CLIP3: variants seen among roughly 807,000 people sequenced by gnomAD.
The protein encoded by CLIP3 is CAP-Gly domain-containing linker protein 3.
Under a neutral mutation model 59.4 loss-of-function variants are expected in CLIP3, and 15 were observed. The observed-to-expected ratio is 0.25, with a 90% CI of 0.17 to 0.39. The LOEUF (loss-of-function observed/expected upper bound fraction) is 0.39, where lower values mean the gene tolerates loss of function less well. Ranked by LOEUF, CLIP3 falls within the 10% of genes least tolerant of loss-of-function variation. CLIP3 has a pLI of 1.00. For missense variants in CLIP3, 495 were observed against 765.7 expected (o/e 0.65, Z 4.17); for synonymous variants, 300 against 321.6 (o/e 0.93, Z 0.72).
At chr19:36,017,072 T>A in intron 12 of CLIP3, 93 bp from the exon 13 acceptor site, 1 of 1,301,874 alleles carries the variant, frequency 7.7e-7, no homozygotes, top group Admixed American at 1.9e-5. Context: ...TACCTCCCCA[T>A]GTCTCCAGTC....
rs766825241 is a variant in CLIP3, at chr19:36,024,468, G to A, written c.846C>T (p.Asn282=). 1.1e-5 allele frequency: 17 copies of A among 1,614,124 alleles called. No individual in the cohort carries two copies. The highest frequency in any genetic ancestry group is 3.3e-5 in the Admixed American group (2 of 60,006). ...CGCTAAGCATGAGATTGCCTGGGACGTTGTCATAGTTGGGTAGCGTGACCT... is the reference window on the plus strand; with the variant it reads ...CGCTAAGCATGAGATTGCCTGGGACATTGTCATAGTTGGGTAGCGTGACCT... ...LPKVTLPNYD[N]VPGNLMLSAL... is the part of the protein sequence containing the mutation. Residue 282 remains asparagine, a synonymous_variant, in exon 7 of 14, where the codon AAC becomes AAT. Transcript: ENST00000360535.
Position 36,026,439 on chromosome 19 carries a change from G to C in CLIP3, c.562+147C>G. 1 of 1,188,808 alleles carries C rather than the reference G, an allele frequency of 8.4e-7. No individual in the cohort carries two copies. The highest frequency in any genetic ancestry group is 1.2e-6 in the Non-Finnish European group (1 of 844,552). 73.6% of individuals were successfully genotyped at this position (1,188,808 alleles called of 1,614,324 possible). A position where few individuals can be genotyped will look rare whatever the true frequency, so the allele number is the denominator to read the frequency against. ...AGCCCCGACCCTCCCTAGAGTGGTAGTCCCTGAGCCCCCTCTCCCACGCCT... is the reference window on the plus strand; with the variant it reads ...AGCCCCGACCCTCCCTAGAGTGGTACTCCCTGAGCCCCCTCTCCCACGCCT... On this transcript the variant is annotated intron_variant, in intron 5 of 13. Transcript: ENST00000360535. The surrounding 1 kb of genome is among the most constrained non-coding windows in gnomAD (Gnocchi z 6.3).
chr19:36,026,809 GA>G lies in CLIP3; in HGVS notation c.401-63del. 6.4e-7 allele frequency: 1 copy of G among 1,564,068 alleles called. No individual in the cohort carries two copies. The highest frequency in any genetic ancestry group is 8.6e-7 in the Non-Finnish European group (1 of 1,159,140). ...CCAGAGCATGGGCCCAGTGCACGGG[GA>G]GGACCCTGGGCTTCAGGGACTATAC... On this transcript the variant is annotated intron_variant, in intron 4 of 13. Transcript: ENST00000360535. This position sits in a 1 kb window ranked among gnomAD's most constrained non-coding sequence, Gnocchi z 6.3.
At chr19:36,018,067 C>A in intron 9 of CLIP3, 76 bp from the exon 10 acceptor site, 1 of 1,540,026 alleles carries the variant, frequency 6.5e-7, no homozygotes, top group Non-Finnish European at 8.9e-7. Flanking sequence ...CTGGAAAACC[C>A]CAAGGTAGAA....
At chr19:36,020,695 A>T (rs1968929842) in intron 7 of CLIP3, among the ~76,000 whole-genome samples, 2 of 152,190 alleles carry the variant, frequency 1.3e-5, no homozygotes, top group Non-Finnish European at 2.9e-5. Context: ...TCAAGTGCTC[A>T]ATTGTCACAT....
At chr19:36,029,035 G>T in intron 2 of CLIP3, among the ~76,000 whole-genome samples, 1 of 117,520 alleles carries the variant, frequency 8.5e-6, no homozygotes, top group Middle Eastern at 6.5e-3. Context: ...TAGAGATAGG[G>T]TCTTGGCTGG....
chr19:36,024,125 C>A (rs1293661520), intron 7 of CLIP3, among the ~76,000 whole-genome samples: 1 of 152,212 alleles, frequency 6.6e-6, no homozygotes, highest in Non-Finnish European at 1.5e-5. Context: ...TCACTCTGCT[C>A]ACCCCTCCCC....
chr19:36,022,516 G>A (rs77932107), intron 7 of CLIP3, among the ~76,000 whole-genome samples: 1 of 152,136 alleles, frequency 6.6e-6, no homozygotes, highest in Non-Finnish European at 1.5e-5. Context: ...TTCAGATAAA[G>A]GTTTTCACCT....
chr19:36,023,385 C>G (rs761216686), intron 7 of CLIP3, among the ~76,000 whole-genome samples: 10 of 152,174 alleles, frequency 6.6e-5, no homozygotes, highest in Non-Finnish European at 1.5e-4. Context: ...ATACCTACTG[C>G]ATCCTCTGCT....
chr19:36,031,980 A>C (rs1362864704), intron 2 of CLIP3, among the ~76,000 whole-genome samples: 1 of 152,166 alleles, frequency 6.6e-6, no homozygotes, highest in Non-Finnish European at 1.5e-5. Flanking sequence ...TGATGGAATG[A>C]TGTGTCATGA....
Position 36,018,950 on chromosome 19 carries a change from G to A in CLIP3, c.1131C>T (p.Thr377=), listed in dbSNP as rs779703964. The A allele has an allele frequency of 6.2e-7, 1 of 1,612,232 alleles. No homozygotes were observed. The highest frequency in any genetic ancestry group is 8.5e-7 in the Non-Finnish European group (1 of 1,179,038). ...TGACACGGGAGAAGTCCATCCGGGG[G>A]GTCCGGGGTGTGGAGGTGACAGAGG... ...PPSSVTSTPR[T]PRMDFSRVTG... is the part of the protein sequence containing the mutation. The change falls in exon 9 of 14, where the codon ACC becomes ACT. Residue 377 remains threonine (T), a synonymous_variant. Transcript: ENST00000360535.
chr19:36,026,512 G>A lies in CLIP3; in HGVS notation c.562+74C>T, dbSNP rs894554395. On this transcript the variant is annotated intron_variant, in intron 5 of 13. Transcript: ENST00000360535. The surrounding 1 kb of genome is among the most constrained non-coding windows in gnomAD (Gnocchi z 6.3). ...GATCACCGTCCTCCTTCCCCTCGCAGCCTGGCCTCACCTGGGTCTCCGCGT... is the reference window on the plus strand; with the variant it reads ...GATCACCGTCCTCCTTCCCCTCGCAACCTGGCCTCACCTGGGTCTCCGCGT... 3.8e-6 allele frequency: 6 copies of A among 1,585,300 alleles called. No individual in the cohort carries two copies. Among genetic ancestry groups the A allele is most frequent in the Admixed American group, 3.4e-5 (2 of 58,804 alleles).
chr19:36,025,461 C>T (rs1391981842), intron 6 of CLIP3, among the ~76,000 whole-genome samples: 2 of 151,490 alleles, frequency 1.3e-5, no homozygotes, highest in East Asian at 2.0e-4. Flanking sequence ...TGTGGTGGCG[C>T]ATGCCTATAA....
At position 36,026,382 on chromosome 19, in the gene CLIP3, G is replaced by T; in HGVS notation, c.563-117C>A. On this transcript the variant is annotated intron_variant, in intron 5 of 13. Transcript: ENST00000360535. The surrounding 1 kb of genome is among the most constrained non-coding windows in gnomAD (Gnocchi z 6.3). ...CCCAGAGCCTCCGACGCAGAGCCCC[G>T]CCCCCACCTCGGAGCCCCCCTCTCC... The T allele has an allele frequency of 9.5e-7, 1 of 1,053,104 alleles. No individual in the cohort carries two copies. Among genetic ancestry groups the T allele is most frequent in the Non-Finnish European group, 1.4e-6 (1 of 728,692 alleles). 65.2% of individuals were successfully genotyped at this position (1,053,104 alleles called of 1,614,324 possible).
At chr19:36,017,115 T>G in intron 12 of CLIP3, 136 bp from the exon 13 acceptor site, 1 of 937,036 alleles carries the variant, frequency 1.1e-6, no homozygotes, top group Non-Finnish European at 1.7e-6. Context: ...AATACCCATC[T>G]GGGCCTCTTG....
chr19:36,024,878 C>T (rs893962872), intron 6 of CLIP3, among the ~76,000 whole-genome samples: 1 of 152,124 alleles, frequency 6.6e-6, no homozygotes, highest in African/African-American at 2.4e-5. Context: ...CCAGCCTGGC[C>T]AACATGGTGA....
chr19:36,032,163 C>G lies in CLIP3; in HGVS notation c.166+29G>C. 8.2e-7 allele frequency: 1 copy of G among 1,224,302 alleles called. No individual in the cohort carries two copies. The highest frequency in any genetic ancestry group is 3.1e-5 in the East Asian group (1 of 31,914). 75.8% of individuals were successfully genotyped at this position (1,224,302 alleles called of 1,614,324 possible). A position where few individuals can be genotyped will look rare whatever the true frequency, so the allele number is the denominator to read the frequency against. ...CTCCCCGGCCACCCAACGCTCCAGG[C>G]CAGATTCCAGGGTGGGGACAGTGGT... On this transcript the variant is annotated intron_variant, in intron 2 of 13. Transcript: ENST00000360535. This position sits in a 1 kb window ranked among gnomAD's most constrained non-coding sequence, Gnocchi z 4.3.
At position 36,026,256 on chromosome 19, in the gene CLIP3, G is replaced by C. The variant is rs1264086259; in HGVS notation, c.572C>G (p.Ser191Cys). ...GCCGTGGTTGAAGTCACTGCACGTG[G>C]AGTTCACCACTGGAAGTGGGCAAGA... is the stretch of plus-strand genomic sequence containing the variant. ...LKGARPRVVN[S>C]TCSDFNHGSA... The change falls in exon 6 of 14, where the codon TCC (serine) becomes TGC (cysteine). Residue 191 changes from serine (S) to cysteine (C), a missense_variant. This residue lies in a region of CLIP3 where 194 missense variants were observed against 327.8 expected (regional missense o/e 0.59). Transcript: ENST00000360535. This position sits in a 1 kb window ranked among gnomAD's most constrained non-coding sequence, Gnocchi z 6.3. 1 of 1,612,660 alleles carries C rather than the reference G, an allele frequency of 6.2e-7. No individual in the cohort carries two copies. Among genetic ancestry groups the C allele is most frequent in the Non-Finnish European group, 8.5e-7 (1 of 1,179,200 alleles).
Position 36,032,280 on chromosome 19 carries a change from G to C in CLIP3, c.78C>G (p.Pro26=). 7.7e-7 allele frequency: 1 copy of C among 1,297,378 alleles called. No homozygotes were observed. Among genetic ancestry groups the C allele is most frequent in the Non-Finnish European group, 9.9e-7 (1 of 1,014,088 alleles). The allele number at this position is 1,297,378 out of a possible 1,614,324, so 80.4% of individuals were successfully genotyped here. Reference sequence around the variant, plus strand: ...GGGTGGGGCTGGGGGCCTCGGGGACGGGTTCATCCTCCTCCTCCTCTTCTT... The same window carrying C: ...GGGTGGGGCTGGGGGCCTCGGGGACCGGTTCATCCTCCTCCTCCTCTTCTT... ...EEEEEEEEDE[P]VPEAPSPTQE... Residue 26 remains proline (P), a synonymous_variant, in exon 2 of 14, where the codon CCC becomes CCG. Coordinates refer to ENST00000360535, the MANE Select transcript of CLIP3 (RefSeq NM_015526.3). The surrounding 1 kb of genome is among the most constrained non-coding windows in gnomAD (Gnocchi z 4.3).
Sources: allele counts gnomAD v4.1 joint callset (sites outside exome capture counted in the v4.1 genomes callset), GRCh38; gene constraint gnomAD v4.1.1; regional missense constraint gnomAD v4.1.1; non-coding constraint Gnocchi (gnomAD v3.1); transcripts MANE v1.5; gene names NCBI Gene and HGNC (gene_info 2026-07-23, HGNC 2026-07-21).